The following ISLR2 variants were observed in gnomAD, a reference collection of about 807,000 sequenced individuals.
ISLR2 encodes immunoglobulin superfamily containing leucine rich repeat 2, also known as immunoglobulin superfamily containing leucine-rich repeat protein 2.
In ISLR2, 16 loss-of-function variants were observed where a neutral mutation model predicts 25.5. The ratio of observed to expected loss-of-function variants is 0.63; its 90% CI spans 0.43 to 0.95. The LOEUF (loss-of-function observed/expected upper bound fraction) is 0.95. Ranked by LOEUF, ISLR2 falls within the 40% of genes least tolerant of loss-of-function variation. The pLI, the probability that ISLR2 is intolerant of heterozygous loss-of-function variation, is 0.00. For missense variants in ISLR2, 883 were observed against 1,030.7 expected, an observed-to-expected ratio of 0.86 and a Z score of 1.96; for synonymous variants, 508 against 486.6, an observed-to-expected ratio of 1.04 and a Z score of -0.58.
downstream of ISLR2, among the ~76,000 whole-genome samples, chr15:74,141,258 T>C (rs1190036881): frequency 6.6e-6 from 1 of 152,240 alleles, no homozygotes; most frequent in Admixed American, 6.5e-5. Context: ...ACTGCTTACA[T>C]GTATTCCCTT....
chr15:74,101,039 A>C (rs1395738811), intron 1 of ISLR2, among the ~76,000 whole-genome samples: 1 of 64,722 alleles, frequency 1.5e-5, no homozygotes, highest in Non-Finnish European at 3.1e-5. Flanking sequence ...ATTAAAGAAT[A>C]AACTAATAAC....
upstream of ISLR2, among the ~76,000 whole-genome samples, chr15:74,124,133 A>G (rs2072273391): frequency 6.6e-6 from 1 of 150,506 alleles, no homozygotes; most frequent in South Asian, 2.1e-4. Context: ...GATTGGTCTA[A>G]ACTCCAGATA....
chr15:74,133,729 G>A lies in ISLR2; in HGVS notation c.975G>A (p.Ala325=), dbSNP rs765838550. The A allele has an allele frequency of 6.2e-7, 1 of 1,609,600 alleles. No homozygotes were observed. The highest frequency in any genetic ancestry group is 1.7e-5 in the Admixed American group (1 of 59,320). The stretch of plus-strand genomic sequence containing the variant: ...CGACTCCAGCACCCGCTTGGCCGGC[G>A]CCCCCAGCCACACCGCGCTTCCTGG... ...QTPTPAPAWP[A]PPATPRFLAL... Residue 325 remains alanine (A), a synonymous_variant, in exon 3 of 3, where the codon GCG becomes GCA. Transcript: ENST00000453268.
At chr15:74,131,878 T>C (rs2072428727) in intron 2 of ISLR2, 1 of 152,212 alleles carries the variant, frequency 6.6e-6, no homozygotes, top group Admixed American at 6.5e-5. Flanking sequence ...TTAGATGCAG[T>C]AGGGCATGGG....
chr15:74,118,149 AAG>A (rs1450719475), intron 2 of ISLR2, among the ~76,000 whole-genome samples: 1 of 152,146 alleles, frequency 6.6e-6, no homozygotes, highest in African/African-American at 2.4e-5. Context: ...AAGAGTACAA[AAG>A]AGAGAAATTT....
rs2072545168 is a variant in ISLR2 at position 74,135,267 on chromosome 15, A to G, written c.*275A>G. 2.3e-6 allele frequency: 1 copy of G among 428,548 alleles called. No individual in the cohort carries two copies. Among genetic ancestry groups the G allele is most frequent in the African/African-American group, 2.0e-5 (1 of 51,034 alleles). The allele number at this position is 428,548 out of a possible 1,614,324, so 26.5% of individuals were successfully genotyped here. ...ACCCCATGCAAGACTCCACCCGCAG[A>G]CGGTGGGCGATATCTATGTCCCTCC... On this transcript the variant is annotated 3_prime_UTR_variant, in exon 3 of 3. Transcript: ENST00000453268.
intron 2 of ISLR2, among the ~76,000 whole-genome samples, chr15:74,109,280 G>A (rs1187449507): frequency 2.6e-5 from 4 of 151,978 alleles, no homozygotes; most frequent in African/African-American, 7.3e-5. Context: ...GCCACGCATT[G>A]TGAGGGCCCT....
upstream of ISLR2, chr15:74,127,697 C>T (rs1014934925): frequency 2.0e-5 from 3 of 152,506 alleles, no homozygotes; most frequent in African/African-American, 4.8e-5. Flanking sequence ...CGGCAAGCGG[C>T]TTCCAGCAGG....
chr15:74,110,314 T>G (rs1261387709), intron 2 of ISLR2, among the ~76,000 whole-genome samples: 3 of 152,246 alleles, frequency 2.0e-5, no homozygotes, highest in Non-Finnish European at 1.5e-5. Flanking sequence ...TGGCAGCTTC[T>G]TTAATCAAAC....
chr15:74,112,828 C>CTTTT (rs35655801), intron 2 of ISLR2, among the ~76,000 whole-genome samples: 5 of 130,524 alleles, frequency 3.8e-5, no homozygotes, highest in Non-Finnish European at 3.2e-5. Flanking sequence ...GTGCCCGGCC[C>CTTTT]TTTTTTTTTT....
rs1170131632 is a variant in ISLR2, at chr15:74,132,300, G to T, written c.-8-447G>T. ...TGTATTGTTGTGTGCCTGCATGGGCGTGTGTGCGAGTGCTGTGCGTGGGAC... is the reference window on the plus strand; with the variant it reads ...TGTATTGTTGTGTGCCTGCATGGGCTTGTGTGCGAGTGCTGTGCGTGGGAC... On this transcript the variant is annotated intron_variant, in intron 2 of 2. Transcript: ENST00000453268. The surrounding 1 kb of genome is among the most constrained non-coding windows in gnomAD (Gnocchi z 4.3). 6.6e-6 allele frequency among the ~76,000 whole-genome samples: 1 copy of T among 152,214 alleles called. No individual in the cohort carries two copies. The highest frequency in any genetic ancestry group is 1.5e-5 in the Non-Finnish European group (1 of 68,032).
chr15:74,115,365 G>A (rs1292259977), intron 2 of ISLR2, among the ~76,000 whole-genome samples: 2 of 152,134 alleles, frequency 1.3e-5, no homozygotes, highest in Non-Finnish European at 2.9e-5. Flanking sequence ...CAGCAGTCAC[G>A]ACACAAAAAC....
rs760092051 is a variant in ISLR2, at chr15:74,134,908, G to A, written c.2154G>A (p.Glu718=). 46 of 1,614,012 alleles carry A rather than the reference G, an allele frequency of 2.9e-5. No homozygotes were observed. The highest frequency in any genetic ancestry group is 3.3e-4 in the Middle Eastern group (2 of 6,030). Residue 718 remains glutamate, a synonymous_variant, in exon 3 of 3, where the codon GAG becomes GAA. Transcript: ENST00000453268. ...AAGAGGAGTTCGAGGCGGGCTCTGA[G>A]TACAGCGATCGGCTGCCCCTGGGCG... The part of the protein sequence containing the change: ...ANQEEFEAGS[E]YSDRLPLGAE...
chr15:74,135,052 G>A lies in ISLR2; in HGVS notation c.*60G>A. Reference sequence around the variant, plus strand: ...CCACCTAGGGTGCCTGGGAGCAGCAGTCTAGGGCTGGCAGGACTTATGTCC... The same window carrying A: ...CCACCTAGGGTGCCTGGGAGCAGCAATCTAGGGCTGGCAGGACTTATGTCC... On this transcript the variant is annotated 3_prime_UTR_variant, in exon 3 of 3. Transcript: ENST00000453268. The A allele has an allele frequency of 6.4e-7, 1 of 1,562,896 alleles. No individual in the cohort carries two copies. The highest frequency in any genetic ancestry group is 1.8e-5 in the Admixed American group (1 of 55,992).
chr15:74,119,446 A>G (rs2072235762), intron 2 of ISLR2, among the ~76,000 whole-genome samples: 1 of 152,092 alleles, frequency 6.6e-6, no homozygotes, highest in East Asian at 1.9e-4. Flanking sequence ...CCTGGGCTCA[A>G]GTGGTCCTCC....
intron 2 of ISLR2, among the ~76,000 whole-genome samples, chr15:74,121,119 A>G (rs2072249455): frequency 1.3e-5 from 2 of 151,908 alleles, no homozygotes; most frequent in South Asian, 4.2e-4. Context: ...CATCTCTCCA[A>G]GCCACCTTGA....
chr15:74,134,911 C>T lies in ISLR2; in HGVS notation c.2157C>T (p.Tyr719=). 1 of 1,614,080 alleles carries T rather than the reference C, an allele frequency of 6.2e-7. No individual in the cohort carries two copies. The highest frequency in any genetic ancestry group is 8.5e-7 in the Non-Finnish European group (1 of 1,180,024). ...NQEEFEAGSE[Y]SDRLPLGAEA... is the part of the protein sequence containing the mutation. ...AGGAGTTCGAGGCGGGCTCTGAGTACAGCGATCGGCTGCCCCTGGGCGCCG... is the reference window on the plus strand; with the variant it reads ...AGGAGTTCGAGGCGGGCTCTGAGTATAGCGATCGGCTGCCCCTGGGCGCCG... Residue 719 remains tyrosine (Y), a synonymous_variant, in exon 3 of 3, where the codon TAC becomes TAT. Coordinates refer to ENST00000453268, the MANE Select transcript of ISLR2 (RefSeq NM_020851.3).
Position 74,134,459 on chromosome 15 carries a change from G to A in ISLR2, c.1705G>A (p.Ala569Thr). The A allele has an allele frequency of 6.2e-7, 1 of 1,607,596 alleles. No homozygotes were observed. Residue 569 changes from alanine (A) to threonine (T), a missense_variant, in exon 3 of 3, where the codon GCG (alanine) becomes ACG (threonine). Transcript: ENST00000453268. ...RPGTNYSVCL[A>T]LAGEACHVQV... ...GGGTACCAACTACTCCGTGTGCCTG[G>A]CGCTGGCGGGCGAAGCCTGCCACGT...
At chr15:74,123,256 G>A (rs2072267348), upstream of ISLR2, among the ~76,000 whole-genome samples, 1 of 151,980 alleles carries the variant, frequency 6.6e-6, no homozygotes, top group Non-Finnish European at 1.5e-5. Context: ...GTTGCAGTGT[G>A]ATGGGAGGGG....
Sources: gnomAD v4.1 joint callset for allele counts (sites outside exome capture counted in the v4.1 genomes callset) on GRCh38, gnomAD v4.1.1 for gene constraint, Gnocchi (gnomAD v3.1) non-coding constraint, MANE v1.5 for transcripts, NCBI Gene and HGNC (gene_info 2026-07-23, HGNC 2026-07-21) for gene names.